Variants in RRAS2 observed in about 807,000 individuals in gnomAD.
RRAS2 encodes the protein RAS related 2, also known as ras-related protein R-Ras2.
A neutral mutation model predicts 27.6 loss-of-function variants in RRAS2; 7 were observed. The observed-to-expected ratio is 0.25, with a 90% CI of 0.14 to 0.48. The LOEUF (loss-of-function observed/expected upper bound fraction) is 0.48, where lower values mean the gene tolerates loss of function less well. Ranked by LOEUF, RRAS2 falls within the 20% of genes least tolerant of loss-of-function variation. The pLI is 0.99. For synonymous variants in RRAS2, 86 were observed against 90.9 expected (o/e 0.95, Z 0.31); for missense variants, 178 against 256.2 (o/e 0.69, Z 2.08).
At chr11:14,282,154 A>T (rs568670958) in intron 4 of RRAS2, among the ~76,000 whole-genome samples, 10 of 152,304 alleles carry the variant, frequency 6.6e-5, no homozygotes, top group South Asian at 4.1e-4. Context: ...GAGAAAACTG[A>T]ATGTGTGAGG....
At chr11:14,308,967 T>G (rs1847894031) in intron 1 of RRAS2, among the ~76,000 whole-genome samples, 1 of 152,202 alleles carries the variant, frequency 6.6e-6, no homozygotes, top group Non-Finnish European at 1.5e-5. Flanking sequence ...AAAGGGCTAT[T>G]GTGAAGATTA....
intron 1 of RRAS2, among the ~76,000 whole-genome samples, chr11:14,327,231 AGATT>A (rs1280902672): frequency 3.9e-5 from 6 of 152,362 alleles, no homozygotes; most frequent in Admixed American, 1.3e-4. Context: ...ATTTCTTAAC[AGATT>A]ATTATAGTTA....
intron 1 of RRAS2, among the ~76,000 whole-genome samples, chr11:14,301,000 T>C (rs1554947307): frequency 6.6e-6 from 1 of 152,084 alleles, no homozygotes; most frequent in South Asian, 2.1e-4. Context: ...CACCCTTGCA[T>C]AGAAAAAGGA....
Position 14,279,263 on chromosome 11 carries a change from C to A in RRAS2, c.*74G>T. ...TTGTCTAAGGCTAGAAAGGTACCAA[C>A]AAGATGTAAACTGAGGAGAGAAAGA... On this transcript the variant is annotated 3_prime_UTR_variant, in exon 6 of 6. Coordinates refer to ENST00000256196, the MANE Select transcript of RRAS2 (RefSeq NM_012250.6). The A allele has an allele frequency of 2.8e-6, 3 of 1,068,386 alleles. No individual in the cohort carries two copies. Among genetic ancestry groups the A allele is most frequent in the Non-Finnish European group, 4.4e-6 (3 of 684,278 alleles). 66.2% of individuals were successfully genotyped at this position (1,068,386 alleles called of 1,614,324 possible).
chr11:14,305,442 C>G (rs1011310413), intron 1 of RRAS2, among the ~76,000 whole-genome samples: 1 of 152,116 alleles, frequency 6.6e-6, no homozygotes, highest in African/African-American at 2.4e-5. Context: ...ATTTCTTTTC[C>G]TTTTCCAGAG....
intron 1 of RRAS2, among the ~76,000 whole-genome samples, chr11:14,357,987 C>CT (rs1403672514): frequency 1.3e-5 from 2 of 152,108 alleles, no homozygotes; most frequent in African/African-American, 4.8e-5. Context: ...CCAGAGAGGG[C>CT]TGGGGGTAGG....
intron 4 of RRAS2, among the ~76,000 whole-genome samples, chr11:14,283,219 T>C (rs1405535693): frequency 1.3e-5 from 2 of 152,214 alleles, no homozygotes; most frequent in African/African-American, 4.8e-5. Context: ...ATGAATTATA[T>C]TGACTCACTG....
At position 14,330,356 on chromosome 11, in the gene RRAS2, T is replaced by C. The variant is rs967914667; in HGVS notation, c.108+28407A>G. Among the ~76,000 whole-genome samples the C allele has an allele frequency of 9.7e-4, 147 of 152,146 alleles. 1 individual carries two copies. The highest frequency in any genetic ancestry group is 3.5e-3 in the African/African-American group (144 of 41,500). The stretch of plus-strand genomic sequence containing the variant: ...GGGAGGCCCAATCTATATAAAAAAT[T>C]TAAAAATTAGCCGGGCATGGTGGCA... On this transcript the variant is annotated intron_variant, in intron 1 of 5. Transcript: ENST00000256196.
intron 1 of RRAS2, among the ~76,000 whole-genome samples, chr11:14,308,900 T>C (rs1356700533): frequency 1.3e-5 from 2 of 152,228 alleles, no homozygotes; most frequent in Admixed American, 1.3e-4. Flanking sequence ...GAAAGTTATT[T>C]AATCTCTTAA....
chr11:14,354,404 A>T (rs1849028650), intron 1 of RRAS2: 1 of 152,208 alleles, frequency 6.6e-6, no homozygotes, highest in Non-Finnish European at 1.5e-5. Context: ...CCCAAAATTA[A>T]ATGCTTACCT....
At chr11:14,305,832 C>G (rs1365916751) in intron 1 of RRAS2, among the ~76,000 whole-genome samples, 2 of 152,050 alleles carry the variant, frequency 1.3e-5, no homozygotes, top group African/African-American at 4.8e-5. Flanking sequence ...ATCACTTGAG[C>G]CCAGGAATTC....
intron 1 of RRAS2, among the ~76,000 whole-genome samples, chr11:14,301,928 A>G (rs1847717056): frequency 6.6e-6 from 1 of 152,310 alleles, no homozygotes; most frequent in South Asian, 2.1e-4. Flanking sequence ...GGTTGCAGTA[A>G]GCCAAGATCA....
At chr11:14,314,933 C>T (rs933111167) in intron 1 of RRAS2, among the ~76,000 whole-genome samples, 1 of 152,076 alleles carries the variant, frequency 6.6e-6, no homozygotes, top group African/African-American at 2.4e-5. Flanking sequence ...GTGATCCGCC[C>T]GCCTCAGCCT....
At chr11:14,321,320 G>A (rs1338616360) in intron 1 of RRAS2, among the ~76,000 whole-genome samples, 2 of 152,226 alleles carry the variant, frequency 1.3e-5, no homozygotes, top group Non-Finnish European at 2.9e-5. Flanking sequence ...TTCCCTTGGT[G>A]AAATGGTGGT....
intron 1 of RRAS2, among the ~76,000 whole-genome samples, chr11:14,310,432 G>T (rs1233969075): frequency 6.6e-6 from 1 of 152,162 alleles, no homozygotes; most frequent in Non-Finnish European, 1.5e-5. Flanking sequence ...AGGAAAATGA[G>T]AAAGATCTAG....
intron 1 of RRAS2, among the ~76,000 whole-genome samples, chr11:14,326,140 C>T (rs1435132240): frequency 1.3e-5 from 2 of 152,258 alleles, no homozygotes; most frequent in East Asian, 3.9e-4. Flanking sequence ...TATCCCATAG[C>T]ATGGAATCCA....
intron 1 of RRAS2, among the ~76,000 whole-genome samples, chr11:14,299,143 C>T (rs545561384): frequency 1.3e-5 from 2 of 152,272 alleles, no homozygotes; most frequent in South Asian, 4.2e-4. Context: ...TAATAAATGT[C>T]AACCATAATA....
intron 1 of RRAS2, among the ~76,000 whole-genome samples, chr11:14,339,483 C>A (rs1304464020): frequency 6.6e-6 from 1 of 152,092 alleles, no homozygotes; most frequent in East Asian, 1.9e-4. Context: ...CCAATTAGAT[C>A]TTTCAATTAA....
At chr11:14,296,460 G>A (rs574548015) in intron 1 of RRAS2, among the ~76,000 whole-genome samples, 2 of 152,150 alleles carry the variant, frequency 1.3e-5, no homozygotes, top group South Asian at 4.1e-4. Flanking sequence ...AATTATTTAA[G>A]GTTAAGAATC....
Sources: allele counts gnomAD v4.1 joint callset (sites outside exome capture counted in the v4.1 genomes callset), GRCh38; gene constraint gnomAD v4.1.1; transcripts MANE v1.5; gene names NCBI Gene and HGNC (gene_info 2026-07-23, HGNC 2026-07-21).